The following GTF3C2 variants were observed in gnomAD, a reference collection of about 807,000 sequenced individuals.
GTF3C2 encodes the protein general transcription factor IIIC subunit 2, also known as general transcription factor 3C polypeptide 2.
GTF3C2 carries 17 observed loss-of-function variants against 117.4 expected under a neutral mutation model. The observed-to-expected ratio is 0.14, with a 90% CI of 0.10 to 0.22. The LOEUF is 0.22. Ranked by LOEUF, GTF3C2 falls within the 10% of genes least tolerant of loss-of-function variation. The pLI is 1.00. For synonymous variants in GTF3C2, 437 were observed against 427.0 expected (o/e 1.02, Z -0.29); for missense variants, 888 against 1,143.6 (o/e 0.78, Z 3.22).
chr2:27,337,424 C>T lies in GTF3C2; in HGVS notation c.1028+57G>A. The T allele has an allele frequency of 2.7e-6, 4 of 1,462,616 alleles. No homozygotes were observed. In the East Asian group the frequency reaches 6.8e-5, roughly 25 times the overall value. The allele number at this position is 1,462,616 out of a possible 1,614,324, so 90.6% of individuals were successfully genotyped here. On this transcript the variant is annotated intron_variant, in intron 6 of 18. Transcript: ENST00000264720. ...TTCCCATTATAGAGCCTCTGTCACC[C>T]TTTCGTCTCCAGTGGTGTCACCCTT...
In GTF3C2 at chr2:27,338,033, T is replaced by C. The variant is rs1572572181; in HGVS notation, c.856-13A>G. ...GTGGTTTCTGTTTCTGAGGATCAAA[T>C]TGAAGAAAATATAAGGGAGCAAATT... On this transcript the variant is annotated splice_polypyrimidine_tract_variant and intron_variant, in intron 4 of 18. Transcript: ENST00000264720. 1 of 1,543,302 alleles carries C rather than the reference T, an allele frequency of 6.5e-7. No homozygotes were observed. Among genetic ancestry groups the C allele is most frequent in the East Asian group, 2.2e-5 (1 of 44,510 alleles).
intron 1 of GTF3C2, among the ~76,000 whole-genome samples, chr2:27,346,330 CTTTTTTTTTTTTTTTTTTTTTTT>C (rs144256545): frequency 7.8e-5 from 5 of 64,302 alleles, no homozygotes; most frequent in East Asian, 5.1e-4. Flanking sequence ...ATTCTGATAC[CTTTTTTTTTTTTTTTTTTTTTTT>C]TTTTTTTTTT....
intron 1 of GTF3C2, chr2:27,355,939 T>G (rs1681358316): frequency 2.3e-6 from 1 of 433,292 alleles, no homozygotes; most frequent in South Asian, 1.7e-5. Context: ...AGGTCGAGAC[T>G]AATGCATTTA....
At chr2:27,356,705 G>GCC (rs148849470) in intron 1 of GTF3C2, 34 bp downstream of exon 1, 1 of 152,724 alleles carries the variant, frequency 6.5e-6, no homozygotes, top group African/African-American at 2.4e-5. Context: ...TAATTGTGGG[G>GCC]CCCCCCACAC....
At chr2:27,333,372 C>T (rs1680345832) in intron 12 of GTF3C2, among the ~76,000 whole-genome samples, 1 of 151,686 alleles carries the variant, frequency 6.6e-6, no homozygotes, top group South Asian at 2.1e-4. Context: ...CCAGGCTGGT[C>T]TTGAACTCCT....
At chr2:27,336,617 ATATTAT>A (rs774139076) in intron 7 of GTF3C2, 192 bp from the exon 8 acceptor site, 5 of 552,560 alleles carry the variant, frequency 9.0e-6, no homozygotes, top group East Asian at 3.1e-5. Flanking sequence ...AGTCTGTCTT[ATATTAT>A]TATTATTTGA....
intron 4 of GTF3C2, among the ~76,000 whole-genome samples, chr2:27,338,977 T>A (rs891463389): frequency 7.9e-5 from 12 of 152,188 alleles, no homozygotes; most frequent in African/African-American, 2.7e-4. Flanking sequence ...TTGACTACCA[T>A]CTTTATGCCT....
chr2:27,334,118 T>A, intron 10 of GTF3C2, 119 bp from the exon 11 acceptor site: 1 of 748,246 alleles, frequency 1.3e-6, no homozygotes, highest in Non-Finnish European at 2.4e-6. Flanking sequence ...CTCCAACTCC[T>A]GGGCTCAAGC....
intron 1 of GTF3C2, among the ~76,000 whole-genome samples, chr2:27,347,408 G>C (rs540628368): frequency 6.6e-6 from 1 of 152,292 alleles, no homozygotes; most frequent in Non-Finnish European, 1.5e-5. Flanking sequence ...TCTGAGGCAG[G>C]TGCTGAGGAT....
rs144790568 is a variant in GTF3C2 at position 27,329,478 on chromosome 2, C to T, written c.1778G>A (p.Arg593Gln). 21 of 1,614,054 alleles carry T rather than the reference C, an allele frequency of 1.3e-5. No individual in the cohort carries two copies. Among genetic ancestry groups the T allele is most frequent in the East Asian group, 2.2e-5 (1 of 44,882 alleles). Residue 593 changes from arginine to glutamine, a missense_variant, in exon 13 of 19, where the codon CGG becomes CAG. Physicochemically the swap from Arg to Gln is conservative, Grantham distance 43 (BLOSUM62 1). This residue lies in a region of GTF3C2 where 277 missense variants were observed against 445.4 expected (regional missense o/e 0.62). Transcript: ENST00000264720. The surrounding 1 kb of genome is among the most constrained non-coding windows in gnomAD (Gnocchi z 4.5). ...TAAGGAGCCATCAGAGAGCCGTATC[C>T]GCTGCAGGGGTGAGTTAGTGGGAAG... is the stretch of plus-strand genomic sequence containing the variant.
chr2:27,338,728 C>A (rs1176056975), intron 4 of GTF3C2, among the ~76,000 whole-genome samples: 3 of 151,712 alleles, frequency 2.0e-5, no homozygotes, highest in African/African-American at 7.3e-5. Context: ...TTTGTAGAGA[C>A]AAGGTTTCGC....
chr2:27,341,936 C>T lies in GTF3C2; in HGVS notation c.855+12G>A. ...CTATGTCCCCATTCACTTTCTTGTC[C>T]ATTGAGGTTACCCCTGAAGTAGATC... On this transcript the variant is annotated intron_variant, in intron 4 of 18. Coordinates refer to ENST00000264720, the Ensembl canonical transcript of GTF3C2. 1 of 1,609,830 alleles carries T rather than the reference C, an allele frequency of 6.2e-7. No homozygotes were observed. Among genetic ancestry groups the T allele is most frequent in the Non-Finnish European group, 8.5e-7 (1 of 1,176,588 alleles).
chr2:27,349,281 G>A (rs915105171), intron 1 of GTF3C2, among the ~76,000 whole-genome samples: 28 of 150,990 alleles, frequency 1.9e-4, no homozygotes, highest in Non-Finnish European at 3.5e-4. Context: ...CCGAGTAGCT[G>A]GGACTACAGG....
exon 2 of GTF3C2, chr2:27,343,423 A>G: frequency 6.2e-7 from 1 of 1,614,124 alleles, no homozygotes; most frequent in South Asian, 1.1e-5. Flanking sequence ...AAGCCTCTGC[A>G]CTGGTCATTT....
intron 7 of GTF3C2, 159 bp downstream of exon 7, chr2:27,337,085 C>T: frequency 1.6e-6 from 1 of 618,348 alleles, no homozygotes; most frequent in Non-Finnish European, 2.9e-6. Context: ...CACTACAAAT[C>T]AGAGAGGACT....
At chr2:27,333,432 G>C (rs1680347620) in intron 12 of GTF3C2, among the ~76,000 whole-genome samples, 1 of 151,928 alleles carries the variant, frequency 6.6e-6, no homozygotes, top group Non-Finnish European at 1.5e-5. Context: ...TGGGATTATA[G>C]GCGTGAGCTA....
chr2:27,344,152 G>A (rs1680838419), intron 1 of GTF3C2, among the ~76,000 whole-genome samples: 1 of 151,906 alleles, frequency 6.6e-6, no homozygotes, highest in African/African-American at 2.4e-5. Flanking sequence ...AGCCTCCTGA[G>A]TAGCTGGGAT....
At chr2:27,326,914 A>G (rs370776889) in intron 18 of GTF3C2, 21 bp from the exon 19 acceptor site, 3 of 1,507,970 alleles carry the variant, frequency 2.0e-6, no homozygotes, top group Non-Finnish European at 1.8e-6. Flanking sequence ...AACAGAAAAC[A>G]AGAGAGAGAT....
chr2:27,338,857 AG>A (rs1680606304), intron 4 of GTF3C2, among the ~76,000 whole-genome samples: 1 of 150,820 alleles, frequency 6.6e-6, no homozygotes, highest in African/African-American at 2.4e-5. Context: ...ATTTAGAGAC[AG>A]GGTCTTGCTG....
Sources: allele counts gnomAD v4.1 joint callset (sites outside exome capture counted in the v4.1 genomes callset), GRCh38; gene constraint gnomAD v4.1.1; regional missense constraint gnomAD v4.1.1; non-coding constraint Gnocchi (gnomAD v3.1); transcripts MANE v1.5; gene names NCBI Gene and HGNC (gene_info 2026-07-23, HGNC 2026-07-21).